Variants in PCM1 observed in about 807,000 individuals in gnomAD.
PCM1 encodes the protein pericentriolar material 1.
PCM1 carries 157 observed loss-of-function variants against 241.9 expected under a neutral mutation model. The ratio of observed to expected loss-of-function variants is 0.65; its 90% CI spans 0.57 to 0.74. PCM1 has a LOEUF of 0.74. PCM1 is among the 30% of genes least tolerant of loss of function. The probability of loss-of-function intolerance (pLI) is 0.00; values close to 1 mark genes in which losing one functional copy is unlikely to be tolerated. For missense variants in PCM1, 3,478 were observed against 2,360.1 expected, an observed-to-expected ratio of 1.47 and a Z score of -9.81; for synonymous variants, 1,085 against 784.9, an observed-to-expected ratio of 1.38 and a Z score of -6.39.
intron 38 of PCM1, among the ~76,000 whole-genome samples, chr8:18,027,406 A>G (rs1332492651): frequency 1.3e-5 from 2 of 152,014 alleles, no homozygotes; most frequent in Admixed American, 1.3e-4. Context: ...TTCATAGTGG[A>G]GTGTTTTTAG....
chr8:17,938,723 T>G lies in PCM1; in HGVS notation c.343-17T>G. On this transcript the variant is annotated splice_polypyrimidine_tract_variant and intron_variant, in intron 4 of 38. Coordinates refer to ENST00000325083, the MANE Select transcript of PCM1 (RefSeq NM_006197.4). Reference sequence around the variant, plus strand: ...AAGGTTAATGTTTGTGTGATTTGATTTCTTTTTCATATATAGAGAAGCATT... The same window carrying G: ...AAGGTTAATGTTTGTGTGATTTGATGTCTTTTTCATATATAGAGAAGCATT... 1.9e-6 allele frequency: 3 copies of G among 1,593,802 alleles called. No homozygotes were observed. Among genetic ancestry groups the G allele is most frequent in the Non-Finnish European group, 1.7e-6 (2 of 1,164,156 alleles).
intron 36 of PCM1, among the ~76,000 whole-genome samples, chr8:18,024,599 G>A (rs1448574086): frequency 1.3e-5 from 2 of 152,100 alleles, no homozygotes; most frequent in Non-Finnish European, 2.9e-5. Flanking sequence ...TAAGTCAAAG[G>A]TAGATTATAA....
intron 5 of PCM1, among the ~76,000 whole-genome samples, chr8:17,939,295 AATAGAT>A (rs1279296652): frequency 1.3e-5 from 2 of 152,194 alleles, no homozygotes; most frequent in Non-Finnish European, 2.9e-5. Flanking sequence ...GAAAGTGATT[AATAGAT>A]TTTTGTAGGA....
At chr8:17,969,479 A>T in intron 21 of PCM1, 98 bp from the exon 22 acceptor site, 1 of 894,350 alleles carries the variant, frequency 1.1e-6, no homozygotes, top group Non-Finnish European at 1.7e-6. Context: ...GTTTTGGTGG[A>T]TTTGAATGAC....
rs1399199250 is a variant in PCM1 at position 17,964,615 on chromosome 8, A to G, written c.2702A>G (p.Glu901Gly). 5.6e-6 allele frequency: 9 copies of G among 1,613,898 alleles called. No homozygotes were observed. The highest frequency in any genetic ancestry group is 1.7e-5 in the Admixed American group (1 of 60,002). ...GGSTQCALDE[E>G]GDEDGYLSEG... ...TCTACCCAGTGTGCACTAGATGAAG[A>G]AGGAGATGAAGACGGTTACCTTTCT... Residue 901 changes from glutamate (E) to glycine (G), a missense_variant, in exon 18 of 39, where the codon GAA (glutamate) becomes GGA (glycine). Glu to Gly is a moderately conservative substitution (Grantham distance 98). Coordinates refer to ENST00000325083, the MANE Select transcript of PCM1 (RefSeq NM_006197.4).
intron 30 of PCM1, among the ~76,000 whole-genome samples, chr8:18,008,607 CAG>C (rs2091942348): frequency 6.6e-6 from 1 of 152,100 alleles, no homozygotes; most frequent in Non-Finnish European, 1.5e-5. Context: ...AGAAGCTTAA[CAG>C]AGTTTCAGCA....
At chr8:17,972,030 C>T (rs190081499) in intron 22 of PCM1, among the ~76,000 whole-genome samples, 1 of 152,308 alleles carries the variant, frequency 6.6e-6, no homozygotes, top group Admixed American at 6.5e-5. Flanking sequence ...CAGGCATGAG[C>T]CACTGCAGCT....
chr8:17,999,856 C>T (rs568184947), intron 29 of PCM1, among the ~76,000 whole-genome samples: 7 of 151,816 alleles, frequency 4.6e-5, no homozygotes, highest in Admixed American at 6.6e-5. Context: ...TTAATGGATC[C>T]ACAACATTCA....
At chr8:18,021,722 T>C (rs1038168575) in intron 36 of PCM1, among the ~76,000 whole-genome samples, 1 of 152,156 alleles carries the variant, frequency 6.6e-6, no homozygotes, top group African/African-American at 2.4e-5. Context: ...ATTAGCTAAA[T>C]TGTCAGCTGG....
At chr8:17,985,918 T>A in intron 25 of PCM1, 41 bp from the exon 26 acceptor site, 7 of 1,273,332 alleles carry the variant, frequency 5.5e-6, no homozygotes, top group Non-Finnish European at 7.6e-6. Context: ...TGATTAAGCA[T>A]GTATGTTTTA....
At chr8:17,943,613 C>A (rs571980369) in intron 6 of PCM1, among the ~76,000 whole-genome samples, 2 of 151,966 alleles carry the variant, frequency 1.3e-5, no homozygotes, top group Admixed American at 1.3e-4. Flanking sequence ...GATTATTATT[C>A]TTTTTTGAAT....
intron 36 of PCM1, among the ~76,000 whole-genome samples, chr8:18,023,639 A>C (rs1379874027): frequency 6.6e-6 from 1 of 152,204 alleles, no homozygotes; most frequent in Non-Finnish European, 1.5e-5. Flanking sequence ...TCAGATAAGC[A>C]AGGCCTCCTC....
chr8:17,928,543 T>TCG (rs1222965750), intron 2 of PCM1, among the ~76,000 whole-genome samples: 71 of 151,318 alleles, frequency 4.7e-4, no homozygotes, highest in African/African-American at 1.7e-3. Flanking sequence ...TAGACCCCAA[T>TCG]GGCCCCCGCT....
At chr8:17,968,758 GTGTGTATATATA>G (rs1466481536) in intron 21 of PCM1, among the ~76,000 whole-genome samples, 5 of 131,054 alleles carry the variant, frequency 3.8e-5, no homozygotes, top group African/African-American at 8.8e-5. Context: ...GTGTGTGTGT[GTGTGTATATATA>G]TATATATACA....
intron 6 of PCM1, among the ~76,000 whole-genome samples, chr8:17,946,764 GA>G (rs1563786870): frequency 6.6e-6 from 1 of 151,728 alleles, no homozygotes; most frequent in Non-Finnish European, 1.5e-5. Context: ...GAAGTGCTAG[GA>G]TTACAAGACT....
At chr8:18,000,954 C>G (rs773568644) in intron 29 of PCM1, among the ~76,000 whole-genome samples, 7 of 152,110 alleles carry the variant, frequency 4.6e-5, no homozygotes, top group Non-Finnish European at 7.3e-5. Context: ...TTTAGACAAT[C>G]GTAGAGAGGT....
chr8:17,972,592 C>A lies in PCM1; in HGVS notation c.3848C>A (p.Ser1283Tyr). The A allele has an allele frequency of 6.2e-7, 1 of 1,611,166 alleles. No individual in the cohort carries two copies. Among genetic ancestry groups the A allele is most frequent in the Non-Finnish European group, 8.5e-7 (1 of 1,178,916 alleles). The change falls in exon 23 of 39, where the codon TCT becomes TAT. Residue 1283 changes from serine to tyrosine, a missense_variant. Transcript: ENST00000325083. Reference sequence around the variant, plus strand: ...AAAACATTCAAGACAAGAAAAGCGTCTGCACAGGCCAGCCTGGCATCTAAA... The same window carrying A: ...AAAACATTCAAGACAAGAAAAGCGTATGCACAGGCCAGCCTGGCATCTAAA... ...VTKTFKTRKASAQASLASKDK... is the reference protein window; with the variant it reads ...VTKTFKTRKAYAQASLASKDK...
At position 18,029,527 on chromosome 8, in the gene PCM1, T is replaced by G. The variant is rs891792122; in HGVS notation, c.*1865T>G. 2 of 212,378 alleles carry G rather than the reference T, an allele frequency of 9.4e-6. No homozygotes were observed. Among genetic ancestry groups the G allele is most frequent in the Admixed American group, 5.8e-5 (1 of 17,142 alleles). The allele number at this position is 212,378 out of a possible 1,614,324, so 13.2% of individuals were successfully genotyped here. On this transcript the variant is annotated 3_prime_UTR_variant, in exon 39 of 39. Transcript: ENST00000325083. ...CTGCATGCATATTAAAGTGGAAAAA[T>G]TGTATTTATATCTTAGTTATTACCA...
In PCM1 at chr8:18,028,377, A is replaced by T. The variant is rs1266526814; in HGVS notation, c.*715A>T. The T allele has an allele frequency of 5.2e-6, 1 of 192,140 alleles. No individual in the cohort carries two copies. The highest frequency in any genetic ancestry group is 1.1e-5 in the Non-Finnish European group (1 of 91,932). The allele number at this position is 192,140 out of a possible 1,614,324, so 11.9% of individuals were successfully genotyped here. A position where few individuals can be genotyped will look rare whatever the true frequency, so the allele number is the denominator to read the frequency against. On this transcript the variant is annotated 3_prime_UTR_variant, in exon 39 of 39. Transcript: ENST00000325083. ...TATTTATCTACATCGCCTCAGACTAAAAGTAAAAAAAATAAGCTTTATATA... is the reference window on the plus strand; with the variant it reads ...TATTTATCTACATCGCCTCAGACTATAAGTAAAAAAAATAAGCTTTATATA...
Sources: allele counts gnomAD v4.1 joint callset (sites outside exome capture counted in the v4.1 genomes callset), GRCh38; gene constraint gnomAD v4.1.1; transcripts MANE v1.5; gene names NCBI Gene and HGNC (gene_info 2026-07-23, HGNC 2026-07-21).